The following P2RY12 variants were observed in gnomAD, a reference collection of about 807,000 sequenced individuals.
P2RY12 encodes the protein P2Y purinoceptor 12.
A neutral mutation model predicts 4.5 loss-of-function variants in P2RY12; 3 were observed. The observed-to-expected ratio is 0.67, with a 90% CI of 0.31 to 1.74. The LOEUF (loss-of-function observed/expected upper bound fraction) is 1.74, where lower values mean the gene tolerates loss of function less well. Among genes scored for constraint, P2RY12 ranks in the 40% most tolerant of loss-of-function variants. The pLI, the probability that P2RY12 is intolerant of heterozygous loss-of-function variation, is 0.09. For synonymous variants in P2RY12, 148 were observed against 154.1 expected, an observed-to-expected ratio of 0.96 and a Z score of 0.29; for missense variants, 356 against 407.8, an observed-to-expected ratio of 0.87 and a Z score of 1.09.
chr3:151,371,123 G>T (rs1756130911), intron 1 of P2RY12, among the ~76,000 whole-genome samples: 1 of 152,122 alleles, frequency 6.6e-6, no homozygotes, highest in South Asian at 2.1e-4. Context: ...GGGGCTAGCA[G>T]GTACTGTTTT....
rs138257212 is a variant in P2RY12, at chr3:151,362,982, C to T, written c.-180+21710G>A. On this transcript the variant is annotated intron_variant, in intron 1 of 2. Coordinates refer to ENST00000302632, the MANE Select transcript of P2RY12 (RefSeq NM_022788.5). ...TACATGATTTAGTTCTTACAGCAGC[C>T]GTTTTTTTAATAGTGAACTTCCTCA... is the stretch of plus-strand genomic sequence containing the variant. Among the ~76,000 whole-genome samples, 875 of 152,168 alleles carry T rather than the reference C, an allele frequency of 5.8e-3. 14 individuals are homozygous for T. Among genetic ancestry groups the T allele is most frequent in the African/African-American group, 0.019 (802 of 41,506 alleles).
intron 1 of P2RY12, among the ~76,000 whole-genome samples, chr3:151,382,399 G>A (rs1712538577): frequency 6.6e-6 from 1 of 152,020 alleles, no homozygotes; most frequent in Non-Finnish European, 1.5e-5. Flanking sequence ...GCCCTCTCAA[G>A]CATTTTCCCA....
Position 151,338,662 on chromosome 3 carries a change from A to G in P2RY12, c.184T>C (p.Phe62Leu). 1 of 1,613,880 alleles carries G rather than the reference A, an allele frequency of 6.2e-7. No homozygotes were observed. Among genetic ancestry groups the G allele is most frequent in the Non-Finnish European group, 8.5e-7 (1 of 1,179,958 alleles). ...TCAGAAATGACTGTGTTCTTAAGAA[A>G]AATAATAAAGTTTGATTTACTCCGG... ...QIRSKSNFII[F>L]LKNTVISDLL... Residue 62 changes from phenylalanine (F) to leucine (L), a missense_variant, in exon 3 of 3, where the codon TTT becomes CTT. Phe to Leu is a conservative substitution (Grantham distance 22). Transcript: ENST00000302632.
intron 1 of P2RY12, among the ~76,000 whole-genome samples, chr3:151,345,517 CT>C (rs201731496): frequency 3.9e-3 from 509 of 131,618 alleles, no homozygotes; most frequent in African/African-American, 0.011. Flanking sequence ...TTTTCTTTTT[CT>C]TTTTTTTTTT....
intron 1 of P2RY12, among the ~76,000 whole-genome samples, chr3:151,358,569 G>GTTTTTGT (rs1321988310): frequency 1.9e-4 from 29 of 150,640 alleles, no homozygotes; most frequent in Admixed American, 9.9e-4. Flanking sequence ...AAGTTTTTTT[G>GTTTTTGT]TTTTTGTTTT....
chr3:151,340,565 A>C (rs1751685085), intron 2 of P2RY12, 31 bp downstream of exon 2: 1 of 152,600 alleles, frequency 6.6e-6, no homozygotes, highest in South Asian at 2.1e-4. Context: ...AAATACATAT[A>C]TTTGTCAAGT....
Position 151,337,941 on chromosome 3 carries a change from C to A in P2RY12, c.905G>T (p.Cys302Phe), listed in dbSNP as rs1364658715. 2 of 1,613,958 alleles carry A rather than the reference C, an allele frequency of 1.2e-6. No individual in the cohort carries two copies. The highest frequency in any genetic ancestry group is 2.2e-5 in the South Asian group (2 of 91,074). Residue 302 changes from cysteine (C) to phenylalanine (F), a missense_variant, in exon 3 of 3, where the codon TGC becomes TTC. Cys to Phe is a radical substitution (Grantham distance 205, BLOSUM62 -2). Transcript: ENST00000302632. ...TATCAAGGAATTTCTGAAGGACTTG[C>A]AAAGGAAAAAATAGATGAACGGATC... ...CLDPFIYFFL[C>F]KSFRNSLISM...
chr3:151,349,141 G>A (rs1329302462), intron 1 of P2RY12, among the ~76,000 whole-genome samples: 9 of 152,244 alleles, frequency 5.9e-5, no homozygotes, highest in African/African-American at 2.2e-4. Flanking sequence ...AAGATTCAGA[G>A]CCAGGCACAA....
At chr3:151,339,025 A>G (rs1751433750) in intron 2 of P2RY12, among the ~76,000 whole-genome samples, 166 bp from the exon 3 acceptor site, 2 of 152,174 alleles carry the variant, frequency 1.3e-5, no homozygotes, top group East Asian at 1.9e-4. Flanking sequence ...AAAATATTTC[A>G]TTGCAGCAAA....
At chr3:151,381,689 G>T (rs1327261675) in intron 1 of P2RY12, among the ~76,000 whole-genome samples, 1 of 152,162 alleles carries the variant, frequency 6.6e-6, no homozygotes, top group East Asian at 1.9e-4. Flanking sequence ...CCATTGCCAT[G>T]CCTCAAACCA....
At chr3:151,351,129 CT>C (rs1753192637) in intron 1 of P2RY12, among the ~76,000 whole-genome samples, 1 of 152,146 alleles carries the variant, frequency 6.6e-6, no homozygotes. Context: ...TTTATGGACT[CT>C]TCACAGGAGA....
intron 1 of P2RY12, chr3:151,384,263 G>A (rs1354983465): frequency 6.5e-7 from 1 of 1,538,396 alleles, no homozygotes; most frequent in Admixed American, 2.2e-5. Context: ...GTTGTTTATG[G>A]ATTTATTATC....
chr3:151,360,076 C>T (rs1754421745), intron 1 of P2RY12, among the ~76,000 whole-genome samples: 1 of 152,126 alleles, frequency 6.6e-6, no homozygotes, highest in African/African-American at 2.4e-5. Context: ...AAGCATTGCT[C>T]CTTTACAAAG....
At chr3:151,348,220 A>G (rs1238648926) in intron 1 of P2RY12, among the ~76,000 whole-genome samples, 1 of 151,850 alleles carries the variant, frequency 6.6e-6, no homozygotes, top group Non-Finnish European at 1.5e-5. Context: ...GGACCATCTG[A>G]TATGCCTTAA....
intron 1 of P2RY12, chr3:151,354,985 G>A: frequency 1.4e-6 from 1 of 693,184 alleles, no homozygotes; most frequent in Non-Finnish European, 2.5e-6. Flanking sequence ...GTCTTATTGT[G>A]TATTTATTTT....
intron 1 of P2RY12, chr3:151,365,991 T>G: frequency 6.5e-7 from 1 of 1,548,422 alleles, no homozygotes; most frequent in Non-Finnish European, 8.7e-7. Flanking sequence ...GCACTGTAGA[T>G]GTAAGTTTTC....
chr3:151,377,106 T>A lies in P2RY12; in HGVS notation c.-180+7586A>T, dbSNP rs764009170. On this transcript the variant is annotated intron_variant, in intron 1 of 2. Transcript: ENST00000302632. Reference sequence around the variant, plus strand: ...AATTCTTCTAATTCTGGCATGAGCCTCTTCAACCCAAACAGTATTGGAAGT... The same window carrying A: ...AATTCTTCTAATTCTGGCATGAGCCACTTCAACCCAAACAGTATTGGAAGT... 3 of 1,614,104 alleles carry A rather than the reference T, an allele frequency of 1.9e-6. No individual in the cohort carries two copies. The Admixed American group carries it at 5.0e-5, about 27-fold the overall frequency.
chr3:151,343,818 A>G (rs558148114), intron 1 of P2RY12, among the ~76,000 whole-genome samples: 3 of 152,174 alleles, frequency 2.0e-5, no homozygotes, highest in Non-Finnish European at 4.4e-5. Context: ...GTTTGCTTCA[A>G]ATGGGATTAC....
intron 1 of P2RY12, chr3:151,372,445 G>A (rs926035338): frequency 3.1e-5 from 21 of 682,596 alleles, no homozygotes; most frequent in Non-Finnish European, 3.8e-5. Flanking sequence ...TGAACAACTG[G>A]CTATTCAATA....
Sources: allele counts gnomAD v4.1 joint callset (sites outside exome capture counted in the v4.1 genomes callset), GRCh38; gene constraint gnomAD v4.1.1; transcripts MANE v1.5; gene names NCBI Gene and HGNC (gene_info 2026-07-23, HGNC 2026-07-21).